Variants in MON2 observed in about 807,000 individuals in gnomAD.
The protein encoded by MON2 is protein MON2 homolog.
Under a neutral mutation model 208.6 loss-of-function variants are expected in MON2, and 84 were observed. The ratio of observed to expected loss-of-function variants is 0.40; its 90% CI spans 0.34 to 0.48. The LOEUF (loss-of-function observed/expected upper bound fraction) is 0.48. Among genes scored for constraint, MON2 ranks in the 20% least tolerant of loss-of-function variants. The pLI, the probability that MON2 is intolerant of heterozygous loss-of-function variation, is 0.59. For missense variants in MON2, 1,611 were observed against 2,015.4 expected, an observed-to-expected ratio of 0.80 and a Z score of 3.84; for synonymous variants, 660 against 694.0, an observed-to-expected ratio of 0.95 and a Z score of 0.77.
In MON2 at chr12:62,467,005, G is replaced by C; in HGVS notation, c.-203G>C. The C allele has an allele frequency of 1.9e-6, 1 of 525,440 alleles. No homozygotes were observed. The highest frequency in any genetic ancestry group is 3.4e-6 in the Non-Finnish European group (1 of 295,910). 32.5% of individuals were successfully genotyped at this position (525,440 alleles called of 1,614,324 possible). A position where few individuals can be genotyped will look rare whatever the true frequency, so the allele number is the denominator to read the frequency against. ...CTAGCGGGACGGTGCGACTGCGGGG[G>C]GCGCCTCCGAGAAAAGCCAGAGGTG... On this transcript the variant is annotated 5_prime_UTR_variant, in exon 1 of 35. Coordinates refer to ENST00000393630, the MANE Select transcript of MON2 (RefSeq NM_015026.3).
chr12:62,483,425 G>T (rs2069564510), intron 1 of MON2, among the ~76,000 whole-genome samples: 1 of 152,344 alleles, frequency 6.6e-6, no homozygotes, highest in South Asian at 2.1e-4. Context: ...ACAGGTCTGG[G>T]CACGGTGGCC....
intron 26 of MON2, among the ~76,000 whole-genome samples, chr12:62,562,628 T>G (rs755965734): frequency 3.3e-5 from 5 of 152,098 alleles, no homozygotes; most frequent in Non-Finnish European, 7.4e-5. Context: ...GTTTTTATAT[T>G]TTTTTCCACA....
Position 62,537,283 on chromosome 12 carries a change from C to G in MON2, c.2013+20C>G, listed in dbSNP as rs964575082. 2 of 1,537,622 alleles carry G rather than the reference C, an allele frequency of 1.3e-6. No individual in the cohort carries two copies. Among genetic ancestry groups the G allele is most frequent in the African/African-American group, 2.7e-5 (2 of 72,852 alleles). ...GTAATGGTAATGTACTTGTATTTTT[C>G]TTGGTTATCAATTAGCTATCAAGGA... On this transcript the variant is annotated intron_variant, in intron 15 of 34. Transcript: ENST00000393630.
At chr12:62,535,780 T>A in intron 14 of MON2, 71 bp downstream of exon 14, 1 of 1,227,212 alleles carries the variant, frequency 8.1e-7, no homozygotes, top group Non-Finnish European at 1.1e-6. Context: ...ATTATAAACA[T>A]CTGAGTTTAA....
Position 62,552,873 on chromosome 12 carries a change from C to CT in MON2, c.2917-3dup, listed in dbSNP as rs772986226. ...GATGAACTAATATTTTTCTACTTTGCTTTTTAGTGGAATATTTCAGATTAT... is the reference window on the plus strand; with the variant it reads ...GATGAACTAATATTTTTCTACTTTGCTTTTTTAGTGGAATATTTCAGATTAT... On this transcript the variant is annotated splice_region_variant and splice_polypyrimidine_tract_variant and intron_variant, in intron 23 of 34. Transcript: ENST00000393630. The CT allele has an allele frequency of 1.2e-6, 2 of 1,605,184 alleles. No individual in the cohort carries two copies. Among genetic ancestry groups the CT allele is most frequent in the African/African-American group, 2.7e-5 (2 of 74,584 alleles).
chr12:62,550,409 C>T (rs1367501474), intron 23 of MON2, among the ~76,000 whole-genome samples: 2 of 152,108 alleles, frequency 1.3e-5, no homozygotes, highest in Non-Finnish European at 2.9e-5. Flanking sequence ...GTAGTCTCAG[C>T]TACATGGGAG....
rs551501869 is a variant in MON2, at chr12:62,514,609, A to G, written c.984+6129A>G. On this transcript the variant is annotated intron_variant, in intron 8 of 34. Coordinates refer to ENST00000393630, the MANE Select transcript of MON2 (RefSeq NM_015026.3). ...GAGAAAGACCTGTCCCCATGATTCA[A>G]TTACCTCCCACTGGGTCCCTCCCAG... Among the ~76,000 whole-genome samples the G allele has an allele frequency of 1.9e-3, 283 of 152,278 alleles. 1 individual carries two copies. The highest frequency in any genetic ancestry group is 6.6e-3 in the African/African-American group (275 of 41,564).
intron 8 of MON2, among the ~76,000 whole-genome samples, chr12:62,515,185 A>G (rs903619196): frequency 6.6e-6 from 1 of 152,234 alleles, no homozygotes; most frequent in African/African-American, 2.4e-5. Context: ...ATGCTTGTAC[A>G]CCCATGTTCA....
At chr12:62,550,763 GC>G (rs1466869981) in intron 23 of MON2, among the ~76,000 whole-genome samples, 2 of 152,086 alleles carry the variant, frequency 1.3e-5, no homozygotes, top group Admixed American at 1.3e-4. Context: ...ACCTTGCTCA[GC>G]TTTTATAGAA....
rs1016903555 is a variant in MON2, at chr12:62,596,602, A to G, written c.*3853A>G. Reference sequence around the variant, plus strand: ...TAGTGTTCCTGGGTTGTATTTATCTACATTATTAGAGGGAATTTTTATTTT... The same window carrying G: ...TAGTGTTCCTGGGTTGTATTTATCTGCATTATTAGAGGGAATTTTTATTTT... On this transcript the variant is annotated 3_prime_UTR_variant, in exon 35 of 35. Coordinates refer to ENST00000393630, the MANE Select transcript of MON2 (RefSeq NM_015026.3). 6.6e-6 allele frequency: 1 copy of G among 152,208 alleles called. No individual in the cohort carries two copies. The highest frequency in any genetic ancestry group is 2.4e-5 in the African/African-American group (1 of 41,456). 9.4% of individuals were successfully genotyped at this position (152,208 alleles called of 1,614,324 possible).
intron 2 of MON2, among the ~76,000 whole-genome samples, chr12:62,489,880 A>AT (rs2070019365): frequency 6.6e-6 from 1 of 152,148 alleles, no homozygotes; most frequent in African/African-American, 2.4e-5. Flanking sequence ...GATTTTAAGC[A>AT]TTTTGAGTAT....
At chr12:62,512,065 A>G (rs1429984245) in intron 8 of MON2, among the ~76,000 whole-genome samples, 1 of 152,146 alleles carries the variant, frequency 6.6e-6, no homozygotes, top group East Asian at 1.9e-4. Flanking sequence ...CCTGCCTCCC[A>G]TGATTCATTA....
Position 62,552,903 on chromosome 12 carries a change from T to G in MON2, c.2939T>G (p.Phe980Cys). ...GLLWNISDYFFQRGETIEKEL... is the reference protein window; with the variant it reads ...GLLWNISDYFCQRGETIEKEL... ...TAGTGGAATATTTCAGATTATTTTTTCCAAAGAGGGGAAACTATTGAAAAA... is the reference window on the plus strand; with the variant it reads ...TAGTGGAATATTTCAGATTATTTTTGCCAAAGAGGGGAAACTATTGAAAAA... Residue 980 changes from phenylalanine (F) to cysteine (C), a missense_variant, in exon 24 of 35, where the codon TTC becomes TGC. By Grantham distance (205) the Phe-to-Cys change is radical (BLOSUM62 -2). Coordinates refer to ENST00000393630, the MANE Select transcript of MON2 (RefSeq NM_015026.3). 2 of 1,612,658 alleles carry G rather than the reference T, an allele frequency of 1.2e-6. No homozygotes were observed. Among genetic ancestry groups the G allele is most frequent in the Non-Finnish European group, 8.5e-7 (1 of 1,178,942 alleles).
At position 62,596,458 on chromosome 12, in the gene MON2, G is replaced by A. The variant is rs1368760706; in HGVS notation, c.*3709G>A. On this transcript the variant is annotated 3_prime_UTR_variant, in exon 35 of 35. Coordinates refer to ENST00000393630, the MANE Select transcript of MON2 (RefSeq NM_015026.3). ...TTCAGAGAAAACTACCACAGATGTA[G>A]ACAAAAATGATCTCTGAAAGCATTG... The A allele has an allele frequency of 6.6e-6, 1 of 152,154 alleles. No homozygotes were observed. Among genetic ancestry groups the A allele is most frequent in the Non-Finnish European group, 1.5e-5 (1 of 68,030 alleles). 9.4% of individuals were successfully genotyped at this position (152,154 alleles called of 1,614,324 possible). A position where few individuals can be genotyped will look rare whatever the true frequency, so the allele number is the denominator to read the frequency against.
At chr12:62,486,496 C>T (rs10784299) in intron 2 of MON2, among the ~76,000 whole-genome samples, 1 of 151,686 alleles carries the variant, frequency 6.6e-6, no homozygotes, top group Non-Finnish European at 1.5e-5. Flanking sequence ...TATCCAGAGC[C>T]CATATACTTG....
chr12:62,510,724 A>G (rs2071351135), intron 8 of MON2, among the ~76,000 whole-genome samples: 1 of 152,182 alleles, frequency 6.6e-6, no homozygotes, highest in African/African-American at 2.4e-5. Context: ...TCCCTCTAAG[A>G]TCAGGAACAA....
intron 31 of MON2, among the ~76,000 whole-genome samples, chr12:62,579,794 C>T (rs1465386601): frequency 6.6e-6 from 1 of 152,056 alleles, no homozygotes; most frequent in Non-Finnish European, 1.5e-5. Flanking sequence ...CAAAATATTG[C>T]CTTTCGTGCC....
intron 2 of MON2, among the ~76,000 whole-genome samples, chr12:62,491,024 G>T (rs2070099996): frequency 6.6e-6 from 1 of 152,052 alleles, no homozygotes; most frequent in African/African-American, 2.4e-5. Flanking sequence ...TTATGAGCCA[G>T]GTGATGTTGT....
rs781530499 is a variant in MON2, at chr12:62,480,329, CAG to C, written c.112-3840_112-3839del. Among the ~76,000 whole-genome samples, 105 of 152,206 alleles carry C rather than the reference CAG, an allele frequency of 6.9e-4. 2 individuals are homozygous for C. The Middle Eastern group carries it at 0.027, about 39-fold the overall frequency. Reference sequence around the variant, plus strand: ...ATCTCAGCACTTTGGGAAGCTGAGACAGGGGAATCGCTTGAGTCCAGGAGTTT... The same window carrying C: ...ATCTCAGCACTTTGGGAAGCTGAGACGGGAATCGCTTGAGTCCAGGAGTTT... On this transcript the variant is annotated intron_variant, in intron 1 of 34. Coordinates refer to ENST00000393630, the MANE Select transcript of MON2 (RefSeq NM_015026.3).
Sources: allele counts gnomAD v4.1 joint callset (sites outside exome capture counted in the v4.1 genomes callset), GRCh38; gene constraint gnomAD v4.1.1; transcripts MANE v1.5; gene names NCBI Gene and HGNC (gene_info 2026-07-23, HGNC 2026-07-21).